The following CHRM1 variants were observed in gnomAD, a reference collection of about 807,000 sequenced individuals.
CHRM1 encodes cholinergic receptor muscarinic 1, also known as muscarinic acetylcholine receptor M1.
In CHRM1, 5 loss-of-function variants were observed where a neutral mutation model predicts 31.6. That is an observed-to-expected ratio of 0.16 (90% confidence interval 0.08 to 0.33). CHRM1 has a LOEUF of 0.33. Among genes scored for constraint, CHRM1 ranks in the 10% least tolerant of loss-of-function variants. The probability of loss-of-function intolerance (pLI) is 1.00; values close to 1 mark genes in which losing one functional copy is unlikely to be tolerated. For synonymous variants in CHRM1, 227 were observed against 249.7 expected (o/e 0.91, Z 0.86); for missense variants, 338 against 610.3 (o/e 0.55, Z 4.70).
At position 62,910,853 on chromosome 11, in the gene CHRM1, G is replaced by A. The variant is rs146004957; in HGVS notation, c.248C>T (p.Thr83Ile). 1.2e-6 allele frequency: 2 copies of A among 1,614,170 alleles called. No individual in the cohort carries two copies. The highest frequency in any genetic ancestry group is 8.5e-7 in the Non-Finnish European group (1 of 1,180,026). Residue 83 changes from threonine to isoleucine, a missense_variant, in exon 2 of 2, where the codon ACC (threonine) becomes ATC (isoleucine). Thr to Ile is a moderately conservative substitution (Grantham distance 89). This residue lies in a region of CHRM1 where 85 missense variants were observed against 257.7 expected (regional missense o/e 0.33). Transcript: ENST00000306960. This position sits in a 1 kb window ranked among gnomAD's most constrained non-coding sequence, Gnocchi z 8.7. ...CCAGTGGCCCATGAGCAGGTACGTG[G>A]TATAGAGGTTCATGGAGAAGGTACC... ...IIGTFSMNLY[T>I]TYLLMGHWAL... is the part of the protein sequence containing the mutation.
intron 1 of CHRM1, among the ~76,000 whole-genome samples, chr11:62,913,087 G>A (rs966392583): frequency 2.7e-5 from 4 of 148,608 alleles, no homozygotes; most frequent in African/African-American, 7.4e-5. Flanking sequence ...TGCACATGAG[G>A]GGGCATGTGC....
At chr11:62,916,957 C>T (rs1217126225) in intron 1 of CHRM1, 1 of 152,202 alleles carries the variant, frequency 6.6e-6, no homozygotes, top group African/African-American at 2.4e-5. Flanking sequence ...ATCTTCTGCC[C>T]CCTATGACGC....
Position 62,911,134 on chromosome 11 carries a change from T to C in CHRM1, c.-34A>G. 6.3e-7 allele frequency: 1 copy of C among 1,596,864 alleles called. No individual in the cohort carries two copies. The highest frequency in any genetic ancestry group is 8.6e-7 in the Non-Finnish European group (1 of 1,169,202). Reference sequence around the variant, plus strand: ...GGTGGGGCTGGGGTTGGAGAGCCCCTTCCTCCAGGCACGCTACAGGGCTTC... The same window carrying C: ...GGTGGGGCTGGGGTTGGAGAGCCCCCTCCTCCAGGCACGCTACAGGGCTTC... On this transcript the variant is annotated 5_prime_UTR_variant, in exon 2 of 2. Transcript: ENST00000306960.
Position 62,909,591 on chromosome 11 carries a change from G to T in CHRM1, c.*127C>A. 1 of 1,190,934 alleles carries T rather than the reference G, an allele frequency of 8.4e-7. No individual in the cohort carries two copies. Among genetic ancestry groups the T allele is most frequent in the Non-Finnish European group, 1.2e-6 (1 of 851,004 alleles). The allele number at this position is 1,190,934 out of a possible 1,614,324, so 73.8% of individuals were successfully genotyped here. A position where few individuals can be genotyped will look rare whatever the true frequency, so the allele number is the denominator to read the frequency against. ...GGGTCTCTCTGGGCTGCCCAGGAAG[G>T]TGACCCAGGGTCCTGGGAAGCCAGG... On this transcript the variant is annotated 3_prime_UTR_variant, in exon 2 of 2. Coordinates refer to ENST00000306960, the MANE Select transcript of CHRM1 (RefSeq NM_000738.3).
chr11:62,914,196 G>A (rs1038483273), intron 1 of CHRM1, among the ~76,000 whole-genome samples: 4 of 151,934 alleles, frequency 2.6e-5, no homozygotes, highest in Admixed American at 6.6e-5. Flanking sequence ...TGCCTGCCTC[G>A]GGCTCCCAAA....
At chr11:62,918,554 C>G (rs1397885233) in intron 1 of CHRM1, among the ~76,000 whole-genome samples, 1 of 152,166 alleles carries the variant, frequency 6.6e-6, no homozygotes, top group Non-Finnish European at 1.5e-5. Flanking sequence ...CCAAGAGCAT[C>G]CTTGTCTGTA....
chr11:62,919,834 C>A (rs938552940), intron 1 of CHRM1, among the ~76,000 whole-genome samples: 1 of 152,200 alleles, frequency 6.6e-6, no homozygotes, highest in Non-Finnish European at 1.5e-5. Context: ...CCCTACATAT[C>A]CCTTCTCCGA....
chr11:62,919,496 C>T (rs775002726), intron 1 of CHRM1, among the ~76,000 whole-genome samples: 2 of 152,214 alleles, frequency 1.3e-5, no homozygotes, highest in African/African-American at 2.4e-5. Context: ...GGACCCTAGA[C>T]CTCACTCTGC....
chr11:62,911,547 C>T (rs533688701), intron 1 of CHRM1, among the ~76,000 whole-genome samples: 2 of 152,300 alleles, frequency 1.3e-5, no homozygotes, highest in South Asian at 4.1e-4. Flanking sequence ...GCATTTCACT[C>T]AACTTTATTA....
chr11:62,920,939 T>G (rs1193270850), intron 1 of CHRM1, among the ~76,000 whole-genome samples: 3 of 151,974 alleles, frequency 2.0e-5, no homozygotes, highest in Non-Finnish European at 4.4e-5. Flanking sequence ...GGGCCTCAGG[T>G]CCAGTTTCCT....
chr11:62,916,151 C>G (rs924821367), intron 1 of CHRM1, among the ~76,000 whole-genome samples: 2 of 152,202 alleles, frequency 1.3e-5, no homozygotes, highest in Non-Finnish European at 2.9e-5. Context: ...CAGTGCCCAG[C>G]CTCTTCCCAC....
chr11:62,910,925 A>G lies in CHRM1; in HGVS notation c.176T>C (p.Val59Ala), dbSNP rs1202745803. The G allele has an allele frequency of 6.2e-7, 1 of 1,614,124 alleles. No homozygotes were observed. Among genetic ancestry groups the G allele is most frequent in the Admixed American group, 1.7e-5 (1 of 60,022 alleles). Residue 59 changes from valine (V) to alanine (A), a missense_variant, in exon 2 of 2, where the codon GTC becomes GCC. This residue lies in a region of CHRM1 where 85 missense variants were observed against 257.7 expected (regional missense o/e 0.33). Coordinates refer to ENST00000306960, the MANE Select transcript of CHRM1 (RefSeq NM_000738.3). This position sits in a 1 kb window ranked among gnomAD's most constrained non-coding sequence, Gnocchi z 8.7. ...CAGGCTCAGCAGGAAGTAGTTATTGACTGTCTTGAGCTCCGTGTTGACCTT... is the reference window on the plus strand; with the variant it reads ...CAGGCTCAGCAGGAAGTAGTTATTGGCTGTCTTGAGCTCCGTGTTGACCTT... ...SFKVNTELKT[V>A]NNYFLLSLAC...
At position 62,909,777 on chromosome 11, in the gene CHRM1, A is replaced by G; in HGVS notation, c.1324T>C (p.Trp442Arg). ...LLLCRWDKRRWRKIPKRPGSV... is the reference protein window; with the variant it reads ...LLLCRWDKRRRRKIPKRPGSV... ...CCAGGGCGCTTGGGGATCTTGCGCCAGCGTCTCTTGTCCCAGCGGCAAAGC... is the reference window on the plus strand; with the variant it reads ...CCAGGGCGCTTGGGGATCTTGCGCCGGCGTCTCTTGTCCCAGCGGCAAAGC... The change falls in exon 2 of 2, where the codon TGG becomes CGG. Residue 442 changes from tryptophan to arginine, a missense_variant. This residue lies in a region of CHRM1 where 68 missense variants were observed against 108.5 expected (regional missense o/e 0.63). Coordinates refer to ENST00000306960, the MANE Select transcript of CHRM1 (RefSeq NM_000738.3). The G allele has an allele frequency of 5.0e-6, 8 of 1,614,198 alleles. No individual in the cohort carries two copies. Among genetic ancestry groups the G allele is most frequent in the Non-Finnish European group, 6.8e-6 (8 of 1,180,008 alleles).
In CHRM1 at chr11:62,909,192, T is replaced by G. The variant is rs2085852933; in HGVS notation, c.*526A>C. On this transcript the variant is annotated 3_prime_UTR_variant, in exon 2 of 2. Coordinates refer to ENST00000306960, the MANE Select transcript of CHRM1 (RefSeq NM_000738.3). ...CTCTGAGGACATTTGTGGACAATCCTGGAGAGTATGCCTAGGGCCCAGGTG... is the reference window on the plus strand; with the variant it reads ...CTCTGAGGACATTTGTGGACAATCCGGGAGAGTATGCCTAGGGCCCAGGTG... The G allele has an allele frequency of 6.1e-6, 1 of 164,752 alleles. No homozygotes were observed. 10.2% of individuals were successfully genotyped at this position (164,752 alleles called of 1,614,324 possible).
chr11:62,918,632 G>A (rs1384617299), intron 1 of CHRM1, among the ~76,000 whole-genome samples: 1 of 152,208 alleles, frequency 6.6e-6, no homozygotes, highest in Non-Finnish European at 1.5e-5. Context: ...GGACAGACAT[G>A]GACGTGCCAA....
chr11:62,916,318 C>T (rs1243776750), intron 1 of CHRM1, among the ~76,000 whole-genome samples: 1 of 152,204 alleles, frequency 6.6e-6, no homozygotes, highest in Non-Finnish European at 1.5e-5. Context: ...ACCCAAGTCC[C>T]TGAGGCAAGG....
At position 62,909,649 on chromosome 11, in the gene CHRM1, G is replaced by A; in HGVS notation, c.*69C>T. ...TGAGCAGGGCCCTGGGGCTGAGGAT[G>A]CAGCCCCTGCCCTCTTCCCACCGGC... On this transcript the variant is annotated 3_prime_UTR_variant, in exon 2 of 2. Transcript: ENST00000306960. 3 of 1,539,740 alleles carry A rather than the reference G, an allele frequency of 1.9e-6. No homozygotes were observed. The highest frequency in any genetic ancestry group is 2.6e-6 in the Non-Finnish European group (3 of 1,134,432).
intron 1 of CHRM1, among the ~76,000 whole-genome samples, chr11:62,912,083 G>T (rs1386973199): frequency 2.0e-5 from 3 of 152,038 alleles, no homozygotes; most frequent in African/African-American, 7.2e-5. Context: ...AGAAGGTCTG[G>T]GGCAGGCCGG....
Position 62,910,207 on chromosome 11 carries a change from G to A in CHRM1, c.894C>T (p.Ser298=), listed in dbSNP as rs777950025. 1.0e-5 allele frequency: 16 copies of A among 1,605,754 alleles called. 1 individual carries two copies. Among genetic ancestry groups the A allele is most frequent in the Admixed American group, 5.1e-5 (3 of 58,796 alleles). ...CCATTGGCATCTTGATCACCACTTC[G>A]GAGCCAGGCTCCTCTCCCTCTGAGG... The part of the protein sequence containing the change: ...LTSSEGEEPG[S]EVVIKMPMVD... The change falls in exon 2 of 2, where the codon TCC becomes TCT. Residue 298 remains serine (S), a synonymous_variant. Transcript: ENST00000306960. This position sits in a 1 kb window ranked among gnomAD's most constrained non-coding sequence, Gnocchi z 8.7.
Sources: gnomAD v4.1 joint callset for allele counts (sites outside exome capture counted in the v4.1 genomes callset) on GRCh38, gnomAD v4.1.1 for gene constraint, gnomAD v4.1.1 regional missense constraint, Gnocchi (gnomAD v3.1) non-coding constraint, MANE v1.5 for transcripts, NCBI Gene and HGNC (gene_info 2026-07-23, HGNC 2026-07-21) for gene names.